PPP1R13B: variants seen among roughly 807,000 people sequenced by gnomAD.
PPP1R13B encodes apoptosis-stimulating of p53 protein 1.
A neutral mutation model predicts 119.8 loss-of-function variants in PPP1R13B; 44 were observed. The ratio of observed to expected loss-of-function variants is 0.37; its 90% confidence interval spans 0.29 to 0.47. The LOEUF is 0.47. PPP1R13B is among the 20% of genes least tolerant of loss of function. The pLI is 0.99. For missense variants in PPP1R13B, 1,227 were observed against 1,413.5 expected (o/e 0.87, Z 2.12); for synonymous variants, 542 against 561.5 (o/e 0.97, Z 0.49).
chr14:103,754,561 C>CAAAAA (rs771794623), intron 5 of PPP1R13B, among the ~76,000 whole-genome samples: 1 of 41,022 alleles, frequency 2.4e-5, no homozygotes, highest in Non-Finnish European at 4.4e-5. Context: ...GACTCAGTCT[C>CAAAAA]AAAAAAAAAA....
At chr14:103,809,265 G>A (rs2024669) in intron 1 of PPP1R13B, among the ~76,000 whole-genome samples, 1 of 151,966 alleles carries the variant, frequency 6.6e-6, no homozygotes, top group East Asian at 1.9e-4. Context: ...TTTTACTTGC[G>A]TTAATAATTT....
chr14:103,755,505 T>C (rs1041902441), intron 5 of PPP1R13B, among the ~76,000 whole-genome samples: 2 of 150,256 alleles, frequency 1.3e-5, no homozygotes, highest in Non-Finnish European at 2.9e-5. Context: ...GTTTTCCCTA[T>C]TAATGTGAAA....
Position 103,734,295 on chromosome 14 carries a change from C to T in PPP1R13B, c.*859G>A. Reference sequence around the variant, plus strand: ...ACCAAACAGCCCCGTCTACCTGGCCCTGGTCTGCCCTCACACCAGTCCACC... The same window carrying T: ...ACCAAACAGCCCCGTCTACCTGGCCTTGGTCTGCCCTCACACCAGTCCACC... On this transcript the variant is annotated 3_prime_UTR_variant, in exon 17 of 17. Coordinates refer to ENST00000202556, the MANE Select transcript of PPP1R13B (RefSeq NM_015316.3). 1 of 340,834 alleles carries T rather than the reference C, an allele frequency of 2.9e-6. No homozygotes were observed. Among genetic ancestry groups the T allele is most frequent in the South Asian group, 2.3e-5 (1 of 44,240 alleles). 21.1% of individuals were successfully genotyped at this position (340,834 alleles called of 1,614,324 possible). A position where few individuals can be genotyped will look rare whatever the true frequency, so the allele number is the denominator to read the frequency against.
At chr14:103,803,945 T>G (rs1410832937) in intron 1 of PPP1R13B, 8 of 662,400 alleles carry the variant, frequency 1.2e-5, no homozygotes, top group Non-Finnish European at 1.3e-5. Flanking sequence ...TCTTCTCCCC[T>G]GCTGTAACAG....
chr14:103,761,367 A>G (rs1000766122), intron 4 of PPP1R13B, among the ~76,000 whole-genome samples: 2 of 151,896 alleles, frequency 1.3e-5, no homozygotes, highest in Non-Finnish European at 2.9e-5. Flanking sequence ...AATTCATCAT[A>G]TTACATACCT....
intron 1 of PPP1R13B, among the ~76,000 whole-genome samples, chr14:103,816,313 A>AC (rs1427461816): frequency 6.8e-6 from 1 of 147,714 alleles, no homozygotes; most frequent in Non-Finnish European, 1.5e-5. Context: ...GCGTGCCACC[A>AC]CCCCCGGCTA....
chr14:103,798,993 T>TG (rs2085828583), intron 1 of PPP1R13B, among the ~76,000 whole-genome samples: 1 of 149,994 alleles, frequency 6.7e-6, no homozygotes, highest in Non-Finnish European at 1.5e-5. Flanking sequence ...CCTGGTGTTT[T>TG]TTTGTTTGTT....
intron 2 of PPP1R13B, among the ~76,000 whole-genome samples, chr14:103,795,361 T>C (rs2085734366): frequency 6.6e-6 from 1 of 152,178 alleles, no homozygotes; most frequent in Non-Finnish European, 1.5e-5. Context: ...CTAGGGATTG[T>C]TCTAGACAAC....
chr14:103,840,050 A>C (rs1174779423), intron 1 of PPP1R13B: 1 of 152,216 alleles, frequency 6.6e-6, no homozygotes, highest in Non-Finnish European at 1.5e-5. Context: ...CTTATTTTAC[A>C]AAATCCAGTA....
chr14:103,805,822 A>C (rs2086004448), intron 1 of PPP1R13B, among the ~76,000 whole-genome samples: 1 of 152,232 alleles, frequency 6.6e-6, no homozygotes, highest in African/African-American at 2.4e-5. Flanking sequence ...TGCCCAAAAC[A>C]GTCAAATCCA....
At chr14:103,847,809 C>G (rs1329247777), upstream of PPP1R13B, 1 of 197,774 alleles carries the variant, frequency 5.1e-6, no homozygotes, top group Admixed American at 6.6e-5. Flanking sequence ...CCGGTGGCCT[C>G]CCCCGCCCTT....
chr14:103,847,241 G>A (rs2152093999), intron 1 of PPP1R13B, 58 bp downstream of exon 1: 2 of 1,139,206 alleles, frequency 1.8e-6, no homozygotes, highest in Non-Finnish European at 2.2e-6. Context: ...GGAGGAAGGA[G>A]GTTTGGCCAG....
Position 103,740,381 on chromosome 14 carries a change from C to T in PPP1R13B, c.2035G>A (p.Val679Met), listed in dbSNP as rs1242671574. 3.2e-6 allele frequency: 5 copies of T among 1,569,278 alleles called. No homozygotes were observed. Among genetic ancestry groups the T allele is most frequent in the South Asian group, 2.4e-5 (2 of 85,002 alleles). The change falls in exon 12 of 17, where the codon GTG becomes ATG. Residue 679 changes from valine (V) to methionine (M), a missense_variant. By Grantham distance (21) the Val-to-Met change is conservative. Transcript: ENST00000202556. This position sits in a 1 kb window ranked among gnomAD's most constrained non-coding sequence, Gnocchi z 4.6. The stretch of plus-strand genomic sequence containing the variant: ...CTCTGGTAGCGCAGTGGCGAATGCA[C>T]GATGGGCGTGAGCTTGGTGGGGCTG... ...PLSPTKLTPIVHSPLRYQSDA... is the reference protein window; with the variant it reads ...PLSPTKLTPIMHSPLRYQSDA...
intron 16 of PPP1R13B, 40 bp from the exon 17 acceptor site, chr14:103,735,235 C>T (rs773855410): frequency 4.3e-6 from 7 of 1,611,618 alleles, no homozygotes; most frequent in Non-Finnish European, 5.9e-6. Flanking sequence ...GGAAGCCACA[C>T]ACAGGGAGCA....
rs1275163310 is a variant in PPP1R13B, at chr14:103,753,069, G to A, written c.759C>T (p.Phe253=). The A allele has an allele frequency of 1.2e-6, 2 of 1,613,968 alleles. No individual in the cohort carries two copies. The highest frequency in any genetic ancestry group is 1.7e-5 in the Admixed American group (1 of 59,998). The change falls in exon 7 of 17, where the codon TTC becomes TTT. Residue 253 remains phenylalanine, a synonymous_variant. Transcript: ENST00000202556. ...CCGTCAATTTGCCATTGTAAGACTGGAACCCATTCAGTTTTCCTTTCTTTA... is the reference window on the plus strand; with the variant it reads ...CCGTCAATTTGCCATTGTAAGACTGAAACCCATTCAGTTTTCCTTTCTTTA... ...EDLKKGKLNG[F]QSYNGKLTGP...
chr14:103,785,973 T>C (rs1051472370), intron 2 of PPP1R13B, among the ~76,000 whole-genome samples: 5 of 152,226 alleles, frequency 3.3e-5, no homozygotes, highest in African/African-American at 4.8e-5. Flanking sequence ...TAATAAAAAT[T>C]AAATCCTATA....
At chr14:103,747,859 C>G (rs899128465) in intron 8 of PPP1R13B, among the ~76,000 whole-genome samples, 2 of 152,174 alleles carry the variant, frequency 1.3e-5, no homozygotes, top group Non-Finnish European at 2.9e-5. Context: ...AAGCAGATGA[C>G]CCTCTAGAAG....
intron 1 of PPP1R13B, among the ~76,000 whole-genome samples, chr14:103,815,272 C>G (rs141818965): frequency 1.5e-4 from 23 of 152,178 alleles, no homozygotes; most frequent in African/African-American, 5.5e-4. Flanking sequence ...TTGGTAGGAG[C>G]TGGGAGGAAG....
chr14:103,835,627 G>C (rs1005148758), intron 1 of PPP1R13B, among the ~76,000 whole-genome samples: 6 of 128,178 alleles, frequency 4.7e-5, no homozygotes, highest in African/African-American at 1.8e-4. Context: ...TTTTTTTTTT[G>C]AGACGGAGTC....
Sources: allele counts gnomAD v4.1 joint callset (sites outside exome capture counted in the v4.1 genomes callset), GRCh38; gene constraint gnomAD v4.1.1; non-coding constraint Gnocchi (gnomAD v3.1); transcripts MANE v1.5; gene names NCBI Gene and HGNC (gene_info 2026-07-23, HGNC 2026-07-21).